The following ELF2 variants were observed in gnomAD, a reference collection of about 807,000 sequenced individuals.
ELF2 encodes the protein ETS-related transcription factor Elf-2.
A neutral mutation model predicts 54.8 loss-of-function variants in ELF2; 11 were observed. The observed-to-expected ratio is 0.20, with a 90% CI of 0.13 to 0.33. The LOEUF (loss-of-function observed/expected upper bound fraction) is 0.33, where lower values mean the gene tolerates loss of function less well. Ranked by LOEUF, ELF2 falls within the 10% of genes least tolerant of loss-of-function variation. The pLI is 1.00. For synonymous variants in ELF2, 203 were observed against 245.1 expected (o/e 0.83, Z 1.61); for missense variants, 513 against 703.0 (o/e 0.73, Z 3.06).
intron 2 of ELF2, 65 bp from the exon 3 acceptor site, chr4:139,137,932 A>T: frequency 8.9e-7 from 1 of 1,123,750 alleles, no homozygotes; most frequent in South Asian, 3.0e-5. Context: ...ATAAAGCATA[A>T]CTTATTGTGC....
At chr4:139,103,803 T>C (rs1734153179) in intron 4 of ELF2, among the ~76,000 whole-genome samples, 1 of 152,240 alleles carries the variant, frequency 6.6e-6, no homozygotes, top group African/African-American at 2.4e-5. Flanking sequence ...CACTTCATGG[T>C]AATCAGATGT....
intron 4 of ELF2, chr4:139,114,860 T>C (rs912831927): frequency 6.9e-6 from 11 of 1,602,080 alleles, no homozygotes; most frequent in African/African-American, 6.7e-5. Flanking sequence ...CCCCCGGTAT[T>C]GCTGTTGCTA....
intron 4 of ELF2, among the ~76,000 whole-genome samples, chr4:139,102,701 C>T (rs1734021341): frequency 8.0e-6 from 1 of 124,582 alleles, no homozygotes; most frequent in African/African-American, 3.1e-5. Context: ...ATTAGCCAGG[C>T]GTGGTGGCGG....
chr4:139,139,331 A>G, intron 2 of ELF2, 82 bp downstream of exon 2: 1 of 709,494 alleles, frequency 1.4e-6, no homozygotes, highest in Non-Finnish European at 1.9e-6. Flanking sequence ...AAATAATAAA[A>G]TTCCACAGTC....
intron 3 of ELF2, among the ~76,000 whole-genome samples, chr4:139,129,208 G>T (rs1737249652): frequency 6.6e-6 from 1 of 152,164 alleles, no homozygotes; most frequent in Admixed American, 6.5e-5. Flanking sequence ...AAAGTGCTGG[G>T]ATGACAGGCA....
At chr4:139,087,496 C>T (rs1732102872) in intron 4 of ELF2, among the ~76,000 whole-genome samples, 1 of 152,150 alleles carries the variant, frequency 6.6e-6, no homozygotes, top group African/African-American at 2.4e-5. Context: ...GACAGAGTCT[C>T]GCTCTGTTGC....
In ELF2 at chr4:139,144,146, G is replaced by A. The variant is rs142195720; in HGVS notation, c.-251-4649C>T. 6.3e-3 allele frequency among the ~76,000 whole-genome samples: 958 copies of A among 152,210 alleles called. 11 individuals are homozygous for A. The highest frequency in any genetic ancestry group is 0.022 in the African/African-American group (922 of 41,528). On this transcript the variant is annotated intron_variant, in intron 1 of 9. Coordinates refer to ENST00000686138, the MANE Select transcript of ELF2 (RefSeq NM_001331036.3). ...AGGGGCAGGCTGCAGTCTACACCAT[G>A]AGCCAGGTAAAAAACTGTAAGTCCC...
At chr4:139,067,633 C>A (rs754261750) in intron 7 of ELF2, 51 bp downstream of exon 7, 4 of 1,579,350 alleles carry the variant, frequency 2.5e-6, no homozygotes, top group Non-Finnish European at 2.6e-6. Context: ...AAAAATGTCA[C>A]CTAACTGAAA....
chr4:139,104,654 TC>T lies in ELF2; in HGVS notation c.238+20509del, dbSNP rs1734245721. Reference sequence around the variant, plus strand: ...AAACAGGCTGAGTTCTTAGCATTGTTCCCTGATTTTTCCATCAATGAGGACA... The same window carrying T: ...AAACAGGCTGAGTTCTTAGCATTGTTCCTGATTTTTCCATCAATGAGGACA... On this transcript the variant is annotated intron_variant, in intron 4 of 9. Transcript: ENST00000686138. Among the ~76,000 whole-genome samples the T allele has an allele frequency of 3.3e-5, 5 of 152,168 alleles. No homozygotes were observed. In the South Asian group the frequency reaches 1.0e-3, roughly 32 times the overall value.
intron 4 of ELF2, among the ~76,000 whole-genome samples, chr4:139,091,693 T>C (rs534489995): frequency 6.6e-6 from 1 of 152,144 alleles, no homozygotes; most frequent in East Asian, 1.9e-4. Flanking sequence ...TTGCCCAGGA[T>C]GGTCTCGAAT....
At chr4:139,088,158 A>G (rs1334068071) in intron 4 of ELF2, among the ~76,000 whole-genome samples, 2 of 151,732 alleles carry the variant, frequency 1.3e-5, no homozygotes, top group African/African-American at 2.4e-5. Context: ...GTGGTGGCGC[A>G]TGCCTGTAGT....
intron 4 of ELF2, among the ~76,000 whole-genome samples, chr4:139,082,986 C>T (rs1254162860): frequency 1.3e-5 from 2 of 152,232 alleles, no homozygotes; most frequent in South Asian, 2.1e-4. Flanking sequence ...TTACACTCCT[C>T]TTCCCTCCAA....
intron 3 of ELF2, among the ~76,000 whole-genome samples, chr4:139,129,129 G>C (rs1578875364): frequency 6.6e-6 from 1 of 151,950 alleles, no homozygotes; most frequent in African/African-American, 2.4e-5. Context: ...GTAGAGACAG[G>C]GTTTCTTCAT....
intron 4 of ELF2, among the ~76,000 whole-genome samples, chr4:139,099,760 G>A (rs1020073273): frequency 1.3e-5 from 2 of 152,132 alleles, no homozygotes; most frequent in Non-Finnish European, 2.9e-5. Context: ...ACCTAATGGT[G>A]GGAACTGAAT....
At chr4:139,077,655 A>C (rs6844581) in intron 4 of ELF2, among the ~76,000 whole-genome samples, 151,158 of 151,606 alleles carry the variant, frequency 1, 75,357 homozygotes, top group Middle Eastern at 1. Flanking sequence ...GTCTGTAATT[A>C]AAAAAAAAAT....
intron 4 of ELF2, among the ~76,000 whole-genome samples, chr4:139,119,887 C>G (rs1736137849): frequency 6.6e-6 from 1 of 152,178 alleles, no homozygotes; most frequent in South Asian, 2.1e-4. Context: ...AATTCTCTTG[C>G]CTCAGCCTCC....
chr4:139,143,685 T>G (rs1738935491), intron 1 of ELF2, among the ~76,000 whole-genome samples: 1 of 152,196 alleles, frequency 6.6e-6, no homozygotes, highest in African/African-American at 2.4e-5. Context: ...CTCGGGAGGC[T>G]GAGGCAGGAG....
chr4:139,115,902 C>T (rs1735658949), intron 4 of ELF2, among the ~76,000 whole-genome samples: 1 of 152,078 alleles, frequency 6.6e-6, no homozygotes, highest in African/African-American at 2.4e-5. Flanking sequence ...AGTGCAGTGG[C>T]GCCATCTCAG....
At chr4:139,071,801 G>T in intron 6 of ELF2, 65 bp downstream of exon 6, 2 of 1,444,690 alleles carry the variant, frequency 1.4e-6, no homozygotes, top group South Asian at 1.4e-5. Context: ...TATGTCCCTT[G>T]ATGAGGAAAA....
Sources: gnomAD v4.1 joint callset for allele counts (sites outside exome capture counted in the v4.1 genomes callset) on GRCh38, gnomAD v4.1.1 for gene constraint, MANE v1.5 for transcripts, NCBI Gene and HGNC (gene_info 2026-07-23, HGNC 2026-07-21) for gene names.